PCDH11X: variants seen among roughly 807,000 people sequenced by gnomAD.
PCDH11X encodes protocadherin 11 X-linked, also known as protocadherin-11 X-linked.
Under a neutral mutation model 53.3 loss-of-function variants are expected in PCDH11X, and 18 were observed. That is an observed-to-expected ratio of 0.34 (90% CI 0.23 to 0.50). The LOEUF is 0.50. Ranked by LOEUF, PCDH11X falls within the 20% of genes least tolerant of loss-of-function variation. The pLI is 0.98. For missense variants in PCDH11X, 570 were observed against 1,032.4 expected, an observed-to-expected ratio of 0.55 and a Z score of 6.14; for synonymous variants, 279 against 393.3, an observed-to-expected ratio of 0.71 and a Z score of 3.44.
intron 1 of PCDH11X, among the ~76,000 whole-genome samples, chrX:91,797,487 T>C (rs1935776004): frequency 1.9e-5 from 2 of 103,213 alleles, no homozygotes; most frequent in African/African-American, 7.1e-5. Context: ...ATAAGAACTT[T>C]CAATTCTAGT....
chrX:92,011,601 A>G (rs1322011772), intron 6 of PCDH11X, among the ~76,000 whole-genome samples: 2 of 111,623 alleles, frequency 1.8e-5, no homozygotes, highest in African/African-American at 6.5e-5. Flanking sequence ...AAGAATGTTT[A>G]TGGCCTTGAA....
At chrX:92,127,477 G>A (rs1006791663) in intron 6 of PCDH11X, among the ~76,000 whole-genome samples, 7 of 107,984 alleles carry the variant, frequency 6.5e-5, no homozygotes, top group Admixed American at 1.0e-4. Context: ...AATAATTTAA[G>A]TATCACATCA....
At chrX:92,189,438 C>A (rs1390248848) in intron 6 of PCDH11X, among the ~76,000 whole-genome samples, 1 of 111,689 alleles carries the variant, frequency 9.0e-6, no homozygotes, top group Non-Finnish European at 1.9e-5. Flanking sequence ...ATGTACCATA[C>A]CACATTTTCT....
intron 6 of PCDH11X, among the ~76,000 whole-genome samples, chrX:92,119,687 T>C (rs2148175195): frequency 8.9e-6 from 1 of 111,931 alleles, no homozygotes; most frequent in East Asian, 2.8e-4. Flanking sequence ...CTATTATTTC[T>C]AAATAAACTA....
chrX:92,154,780 A>G (rs1283386122), intron 6 of PCDH11X, among the ~76,000 whole-genome samples: 1 of 102,718 alleles, frequency 9.7e-6, no homozygotes, highest in Non-Finnish European at 2.0e-5. Flanking sequence ...CCGGTCACCG[A>G]GCGGCCCGAT....
At chrX:92,351,600 C>T (rs1029828485) in intron 8 of PCDH11X, among the ~76,000 whole-genome samples, 5 of 111,419 alleles carry the variant, frequency 4.5e-5, no homozygotes, top group African/African-American at 1.3e-4. Context: ...GGCCTTGAGT[C>T]AAATTTTTTA....
chrX:92,550,941 G>A (rs1320264072), intron 10 of PCDH11X, among the ~76,000 whole-genome samples: 1 of 110,006 alleles, frequency 9.1e-6, no homozygotes, highest in East Asian at 2.9e-4. Flanking sequence ...TGGCTAAATA[G>A]TACTCCATTG....
intron 6 of PCDH11X, among the ~76,000 whole-genome samples, chrX:92,053,995 AAAT>A (rs1382261352): frequency 8.9e-6 from 1 of 111,842 alleles, no homozygotes; most frequent in African/African-American, 3.3e-5. Flanking sequence ...GAAGGCTAAG[AAAT>A]AATAATAAAT....
Position 92,166,570 on chromosome X carries a change from A to C in PCDH11X, c.3034-34805A>C, listed in dbSNP as rs189105711. ...GTTTTAAAATATAACATATTTTAGC[A>C]AACACAGAATTTCCTGTAACATGTC... On this transcript the variant is annotated intron_variant, in intron 6 of 10. Transcript: ENST00000682573. Among the ~76,000 whole-genome samples the C allele has an allele frequency of 4.4e-4, 48 of 109,761 alleles. 1 individual carries two copies. In the East Asian group the frequency reaches 0.011, roughly 24 times the overall value.
At position 92,619,001 on chromosome X, in the gene PCDH11X, A is replaced by T. The variant is rs1928296070; in HGVS notation, c.*61A>T. 9.4e-7 allele frequency: 1 copy of T among 1,064,353 alleles called. No homozygotes were observed. Among genetic ancestry groups the T allele is most frequent in the African/African-American group, 1.8e-5 (1 of 54,473 alleles). The allele number at this position is 1,064,353 out of a possible 1,213,427, so 87.7% of individuals were successfully genotyped here. A position where few individuals can be genotyped will look rare whatever the true frequency, so the allele number is the denominator to read the frequency against. On this transcript the variant is annotated 3_prime_UTR_variant, in exon 11 of 11. Coordinates refer to ENST00000682573, the MANE Select transcript of PCDH11X (RefSeq NM_032968.5). ...GTATATAGTCAAAATTTAAGATACA[A>T]TTCCAATGAGTATTCTGATTATCAG...
chrX:92,077,477 A>G (rs776367785), intron 6 of PCDH11X, among the ~76,000 whole-genome samples: 1 of 110,197 alleles, frequency 9.1e-6, no homozygotes, highest in South Asian at 3.9e-4. Context: ...AATTTATTTC[A>G]TGCTACTTCC....
At chrX:92,185,563 T>C in intron 6 of PCDH11X, among the ~76,000 whole-genome samples, 1 of 110,547 alleles carries the variant, frequency 9.0e-6, no homozygotes, top group Non-Finnish European at 1.9e-5. Context: ...ATCAACAGAG[T>C]GAAGAGGAAG....
At chrX:92,111,219 T>TCAAAAAAAAA (rs2064499017) in intron 6 of PCDH11X, among the ~76,000 whole-genome samples, 2 of 19,807 alleles carry the variant, frequency 1.0e-4, no homozygotes, top group Non-Finnish European at 1.8e-4. Context: ...CACCTAACGC[T>TCAAAAAAAAA]AAAAAAAAAA....
rs980347941 is a variant in PCDH11X at position 92,266,854 on chromosome X, C to T, written c.3144+3711C>T. ...CTACCTCCCAGGTTCAAATGATTCTCCTGCCTCAGCCTCCCGATTAGCTGG... is the reference window on the plus strand; with the variant it reads ...CTACCTCCCAGGTTCAAATGATTCTTCTGCCTCAGCCTCCCGATTAGCTGG... On this transcript the variant is annotated intron_variant, in intron 8 of 10. Coordinates refer to ENST00000682573, the MANE Select transcript of PCDH11X (RefSeq NM_032968.5). Among the ~76,000 whole-genome samples, 3 of 109,554 alleles carry T rather than the reference C, an allele frequency of 2.7e-5. No homozygotes were observed. The South Asian group carries it at 1.2e-3, about 44-fold the overall frequency.
intron 6 of PCDH11X, among the ~76,000 whole-genome samples, chrX:92,077,610 AAGGAAGGAAGGG>A (rs1456092670): frequency 8.3e-4 from 69 of 82,672 alleles, no homozygotes; most frequent in Admixed American, 1.1e-3. Context: ...TTCAAAAAAG[AAGGAAGGAAGGG>A]AGGAAGGAAG....
chrX:91,906,155 G>T (rs1941148090), intron 6 of PCDH11X, among the ~76,000 whole-genome samples: 1 of 111,654 alleles, frequency 9.0e-6, no homozygotes, highest in South Asian at 3.7e-4. Context: ...CTTACAATTT[G>T]CTCTAGAAGG....
intron 8 of PCDH11X, among the ~76,000 whole-genome samples, chrX:92,276,064 G>T (rs904266743): frequency 3.6e-5 from 4 of 109,880 alleles, no homozygotes; most frequent in South Asian, 4.0e-4. Context: ...GGCAGGTGGG[G>T]ATAACTAAAA....
intron 6 of PCDH11X, among the ~76,000 whole-genome samples, chrX:92,131,779 A>C (rs2064975842): frequency 9.1e-6 from 1 of 110,256 alleles, no homozygotes; most frequent in African/African-American, 3.3e-5. Context: ...TCTCCTGCTA[A>C]ATCACGGAGG....
rs949061061 is a variant in PCDH11X at position 92,463,927 on chromosome X, A to G, written c.3344-4372A>G. On this transcript the variant is annotated intron_variant, in intron 9 of 10. Transcript: ENST00000682573. ...AAGCCATCTGGTATTATGGCACTGC[A>G]TGAGTTCAGTCAAGCAAAATTCTGT... Among the ~76,000 whole-genome samples, 7 of 111,768 alleles carry G rather than the reference A, an allele frequency of 6.3e-5. No homozygotes were observed. In the Admixed American group the frequency reaches 6.7e-4, roughly 11 times the overall value.
Sources: allele counts gnomAD v4.1 joint callset (sites outside exome capture counted in the v4.1 genomes callset), GRCh38; gene constraint gnomAD v4.1.1; transcripts MANE v1.5; gene names NCBI Gene and HGNC (gene_info 2026-07-23, HGNC 2026-07-21).